Variants in PKIB observed in about 807,000 individuals in gnomAD.
The protein encoded by PKIB is cAMP-dependent protein kinase inhibitor beta, also known as PKI-beta.
A neutral mutation model predicts 4.5 loss-of-function variants in PKIB; 2 were observed. The observed-to-expected ratio is 0.44, with a 90% CI of 0.18 to 1.39. PKIB has a LOEUF of 1.39. PKIB is among the 40% of genes most tolerant of loss of function. The pLI is 0.27. For missense variants in PKIB, 94 were observed against 92.6 expected, an observed-to-expected ratio of 1.02 and a Z score of -0.06; for synonymous variants, 38 against 36.0, an observed-to-expected ratio of 1.06 and a Z score of -0.20.
intron 2 of PKIB, among the ~76,000 whole-genome samples, chr6:122,510,809 A>G (rs1324095301): frequency 2.0e-5 from 3 of 152,064 alleles, no homozygotes; most frequent in Non-Finnish European, 4.4e-5. Flanking sequence ...TTGTTCCTTC[A>G]CTGTAATGAA....
chr6:122,717,819 A>G lies in PKIB; in HGVS notation c.25A>G (p.Thr9Ala), dbSNP rs1779560461. The G allele has an allele frequency of 6.2e-7, 1 of 1,613,968 alleles. No homozygotes were observed. Among genetic ancestry groups the G allele is most frequent in the African/African-American group, 1.3e-5 (1 of 74,924 alleles). The change falls in exon 4 of 5, where the codon ACT becomes GCT. Residue 9 changes from threonine to alanine, a missense_variant. Physicochemically the swap from Thr to Ala is moderately conservative, Grantham distance 58 (BLOSUM62 0). Transcript: ENST00000368452. Reference sequence around the variant, plus strand: ...TATGAGGACAGATTCATCAAAAATGACTGACGTGGAGTCTGGGGTCGCCAA... The same window carrying G: ...TATGAGGACAGATTCATCAAAAATGGCTGACGTGGAGTCTGGGGTCGCCAA... MRTDSSKM[T>A]DVESGVANFA...
At chr6:122,588,588 C>A (rs1582717478) in intron 3 of PKIB, among the ~76,000 whole-genome samples, 1 of 152,060 alleles carries the variant, frequency 6.6e-6, no homozygotes, top group Admixed American at 6.6e-5. Flanking sequence ...AGATGTAGAC[C>A]AATGGAACAG....
intron 2 of PKIB, chr6:122,531,351 G>T (rs1192675015): frequency 2.0e-5 from 3 of 152,044 alleles, no homozygotes; most frequent in Admixed American, 1.3e-4. Flanking sequence ...GGAAGTTCAG[G>T]CACACAAAGA....
At chr6:122,708,930 G>C (rs1779164432) in intron 3 of PKIB, among the ~76,000 whole-genome samples, 2 of 152,148 alleles carry the variant, frequency 1.3e-5, no homozygotes, top group African/African-American at 2.4e-5. Context: ...ATCACGCCCA[G>C]CTGCGTTAAT....
At chr6:122,648,327 A>G (rs997761953) in intron 2 of PKIB, among the ~76,000 whole-genome samples, 2 of 152,176 alleles carry the variant, frequency 1.3e-5, no homozygotes, top group African/African-American at 4.8e-5. Context: ...TCACCCCTTG[A>G]TTGTTGGATT....
chr6:122,531,011 A>G (rs1158635643), intron 2 of PKIB: 1 of 152,160 alleles, frequency 6.6e-6, no homozygotes, highest in Non-Finnish European at 1.5e-5. Flanking sequence ...GTTATTGTCA[A>G]CTCAGTGTCT....
chr6:122,628,611 A>T (rs980401317), intron 1 of PKIB, among the ~76,000 whole-genome samples: 2 of 152,226 alleles, frequency 1.3e-5, no homozygotes, highest in Non-Finnish European at 2.9e-5. Flanking sequence ...AATAGCTAGT[A>T]TAAATGTTAG....
intron 2 of PKIB, chr6:122,531,141 A>G (rs1199030180): frequency 6.6e-6 from 1 of 152,224 alleles, no homozygotes; most frequent in Non-Finnish European, 1.5e-5. Flanking sequence ...TAAGGGAGCT[A>G]TACAAAAATT....
At chr6:122,530,826 G>C (rs2114616451) in intron 2 of PKIB, among the ~76,000 whole-genome samples, 1 of 152,328 alleles carries the variant, frequency 6.6e-6, no homozygotes, top group South Asian at 2.1e-4. Context: ...ATATGGGAGA[G>C]GAGTTCTTTC....
intron 3 of PKIB, among the ~76,000 whole-genome samples, chr6:122,686,477 C>A (rs1414753152): frequency 5.3e-5 from 8 of 151,202 alleles, no homozygotes; most frequent in Non-Finnish European, 8.8e-5. Flanking sequence ...TTTTTCAAAT[C>A]TTTTGCCCAT....
chr6:122,690,485 G>A (rs564488865), intron 3 of PKIB, among the ~76,000 whole-genome samples: 5 of 151,952 alleles, frequency 3.3e-5, no homozygotes, highest in Admixed American at 6.6e-5. Context: ...ACTGATGACA[G>A]CCTAACACTA....
intron 3 of PKIB, among the ~76,000 whole-genome samples, chr6:122,708,221 G>C (rs1281259492): frequency 1.3e-5 from 2 of 152,172 alleles, no homozygotes; most frequent in East Asian, 3.9e-4. Flanking sequence ...CTGGAGGGAT[G>C]AGATGCAATT....
chr6:122,532,383 C>T (rs1213887905), intron 2 of PKIB, among the ~76,000 whole-genome samples: 1 of 152,084 alleles, frequency 6.6e-6, no homozygotes, highest in African/African-American at 2.4e-5. Flanking sequence ...TGGTAAAATA[C>T]ACAAAACAAA....
chr6:122,688,925 C>T (rs998977279), intron 3 of PKIB, among the ~76,000 whole-genome samples: 10 of 152,008 alleles, frequency 6.6e-5, no homozygotes, highest in South Asian at 6.2e-4. Context: ...GGACTACAGA[C>T]GCCCGCCACC....
chr6:122,546,002 A>C (rs1772483283), intron 2 of PKIB, among the ~76,000 whole-genome samples: 1 of 151,788 alleles, frequency 6.6e-6, no homozygotes, highest in Non-Finnish European at 1.5e-5. Flanking sequence ...TTCTAGTATG[A>C]GAAAAGTCCC....
intron 2 of PKIB, among the ~76,000 whole-genome samples, chr6:122,519,535 T>C (rs1450926560): frequency 6.6e-6 from 1 of 152,164 alleles, no homozygotes; most frequent in Non-Finnish European, 1.5e-5. Context: ...CTGTTTTAGG[T>C]TATACAGCCA....
chr6:122,537,001 G>A (rs940452701), intron 2 of PKIB, among the ~76,000 whole-genome samples: 4 of 151,346 alleles, frequency 2.6e-5, no homozygotes, highest in Non-Finnish European at 5.9e-5. Flanking sequence ...TGCATAGAGG[G>A]GGCCATATAA....
chr6:122,726,032 C>A lies in PKIB; in HGVS notation c.*837C>A, dbSNP rs1380347500. 1.3e-5 allele frequency: 2 copies of A among 151,844 alleles called. No individual in the cohort carries two copies. Among genetic ancestry groups the A allele is most frequent in the Non-Finnish European group, 2.9e-5 (2 of 67,962 alleles). The allele number at this position is 151,844 out of a possible 1,614,324, so 9.4% of individuals were successfully genotyped here. On this transcript the variant is annotated 3_prime_UTR_variant, in exon 5 of 5. Transcript: ENST00000368452. ...TAAATAACTTCCTCAGCAATGCAGA[C>A]CTTAATTTTTATATTTTTTTAAAGT...
At chr6:122,625,711 G>T (rs955269019) in intron 1 of PKIB, among the ~76,000 whole-genome samples, 1 of 151,944 alleles carries the variant, frequency 6.6e-6, no homozygotes, top group Non-Finnish European at 1.5e-5. Context: ...CAGTTGCCAA[G>T]GTTAGTTTAA....
Sources: gnomAD v4.1 joint callset for allele counts (sites outside exome capture counted in the v4.1 genomes callset) on GRCh38, gnomAD v4.1.1 for gene constraint, MANE v1.5 for transcripts, NCBI Gene and HGNC (gene_info 2026-07-23, HGNC 2026-07-21) for gene names.